The following ZNF672 variants were observed in gnomAD, a reference collection of about 807,000 sequenced individuals.
ZNF672 encodes the protein hypothetical protein FLJ22301.
For synonymous variants in ZNF672, 358 were observed against 305.6 expected (o/e 1.17, Z -1.79); for missense variants, 733 against 701.1 (o/e 1.05, Z -0.51).
Position 248,848,582 on chromosome 1 carries a change from C to G in ZNF672, c.1308C>G (p.Leu436=). 1 of 1,592,846 alleles carries G rather than the reference C, an allele frequency of 6.3e-7. No homozygotes were observed. Among genetic ancestry groups the G allele is most frequent in the East Asian group, 2.3e-5 (1 of 44,290 alleles). ...VAIQSAVGTA[L]VFEGPAEQEK... is the part of the protein sequence containing the mutation. Reference sequence around the variant, plus strand: ...TCCAGTCCGCAGTGGGCACTGCCCTCGTCTTTGAGGGGCCGGCTGAACAGG... The same window carrying G: ...TCCAGTCCGCAGTGGGCACTGCCCTGGTCTTTGAGGGGCCGGCTGAACAGG... The change falls in exon 4 of 4, where the codon CTC becomes CTG. Residue 436 remains leucine, a synonymous_variant. Coordinates refer to ENST00000306562, the MANE Select transcript of ZNF672 (RefSeq NM_024836.3).
Position 248,848,102 on chromosome 1 carries a change from C to T in ZNF672, c.828C>T (p.Ser276=). 6.4e-7 allele frequency: 1 copy of T among 1,552,650 alleles called. No individual in the cohort carries two copies. The highest frequency in any genetic ancestry group is 1.4e-5 in the African/African-American group (1 of 73,252). The part of the protein sequence containing the change: ...ESSTLLRHRR[S]HQGERPHACA... ...CCACGCTGCTGCGCCATCGGCGCAG[C>T]CATCAGGGCGAGCGGCCACATGCGT... is the stretch of plus-strand genomic sequence containing the variant. Residue 276 remains serine, a synonymous_variant, in exon 4 of 4, where the codon AGC becomes AGT. Coordinates refer to ENST00000306562, the MANE Select transcript of ZNF672 (RefSeq NM_024836.3).
At chr1:248,841,276 G>A (rs1664675691) in intron 1 of ZNF672, among the ~76,000 whole-genome samples, 1 of 152,230 alleles carries the variant, frequency 6.6e-6, no homozygotes, top group South Asian at 2.1e-4. Context: ...TATCTTCTGT[G>A]TGCCCAAGTC....
chr1:248,839,586 G>C (rs1310889840), intron 1 of ZNF672: 1 of 152,494 alleles, frequency 6.6e-6, no homozygotes, highest in Non-Finnish European at 1.5e-5. Flanking sequence ...CGAGGCTGCA[G>C]TGAGACAGTG....
chr1:248,848,275 C>T lies in ZNF672; in HGVS notation c.1001C>T (p.Thr334Met), dbSNP rs1057498420. 3 of 1,602,870 alleles carry T rather than the reference C, an allele frequency of 1.9e-6. No individual in the cohort carries two copies. The highest frequency in any genetic ancestry group is 1.3e-5 in the African/African-American group (1 of 74,994). The change falls in exon 4 of 4, where the codon ACG becomes ATG. Residue 334 changes from threonine to methionine, a missense_variant. Transcript: ENST00000306562. ...SDLTKHRRTH[T>M]GEKPYRCELC... is the part of the protein sequence containing the mutation. ...CTCACCAAGCACCGGCGCACGCACA[C>T]GGGCGAGAAGCCCTACCGCTGCGAA...
rs746190790 is a variant in ZNF672, at chr1:248,848,585, C to A, written c.1311C>A (p.Val437=). The A allele has an allele frequency of 6.3e-7, 1 of 1,591,158 alleles. No individual in the cohort carries two copies. Among genetic ancestry groups the A allele is most frequent in the South Asian group, 1.1e-5 (1 of 89,766 alleles). ...AIQSAVGTAL[V]FEGPAEQEKP... is the part of the protein sequence containing the mutation. The stretch of plus-strand genomic sequence containing the variant: ...AGTCCGCAGTGGGCACTGCCCTCGT[C>A]TTTGAGGGGCCGGCTGAACAGGAAA... The change falls in exon 4 of 4, where the codon GTC becomes GTA. Residue 437 remains valine (V), a synonymous_variant. Coordinates refer to ENST00000306562, the MANE Select transcript of ZNF672 (RefSeq NM_024836.3).
At chr1:248,841,340 T>TG (rs918726530) in intron 1 of ZNF672, among the ~76,000 whole-genome samples, 4 of 152,232 alleles carry the variant, frequency 2.6e-5, no homozygotes, top group African/African-American at 9.6e-5. Flanking sequence ...CTCTCTGATC[T>TG]GGGGGGCTCT....
intron 1 of ZNF672, among the ~76,000 whole-genome samples, chr1:248,841,553 C>T (rs1461981488): frequency 6.6e-6 from 1 of 152,228 alleles, no homozygotes; most frequent in African/African-American, 2.4e-5. Context: ...TATGTTCTCT[C>T]CTTGTCTACA....
chr1:248,846,658 A>G (rs746000607), intron 3 of ZNF672, among the ~76,000 whole-genome samples: 1 of 152,148 alleles, frequency 6.6e-6, no homozygotes, highest in Non-Finnish European at 1.5e-5. Flanking sequence ...AGGCGTTGGT[A>G]TAGTCTAAAC....
Position 248,847,572 on chromosome 1 carries a change from C to T in ZNF672, c.298C>T (p.Pro100Ser), listed in dbSNP as rs1165598648. 5 of 1,574,102 alleles carry T rather than the reference C, an allele frequency of 3.2e-6. No homozygotes were observed. The highest frequency in any genetic ancestry group is 1.4e-5 in the African/African-American group (1 of 74,024). ...ACACCGGCAGCGATGCCGCACTTGC[C>T]CCTGCCGCACATGCGGCCGGCGCTT... ...GAHRQRCRTC[P>S]CRTCGRRFPH... The change falls in exon 4 of 4, where the codon CCC becomes TCC. Residue 100 changes from proline (P) to serine (S), a missense_variant. Physicochemically the swap from Pro to Ser is moderately conservative, Grantham distance 74. Transcript: ENST00000306562.
At chr1:248,839,654 AAAC>A (rs1257071844) in intron 1 of ZNF672, among the ~76,000 whole-genome samples, 6 of 152,100 alleles carry the variant, frequency 3.9e-5, no homozygotes, top group African/African-American at 7.2e-5. Flanking sequence ...AAAAACAAAC[AAAC>A]AACAACAACA....
chr1:248,844,996 C>T (rs1269063089), intron 2 of ZNF672, among the ~76,000 whole-genome samples: 2 of 152,278 alleles, frequency 1.3e-5, no homozygotes, highest in African/African-American at 2.4e-5. Flanking sequence ...GGCGTGATGG[C>T]TCACGCCTGT....
chr1:248,848,543 T>C lies in ZNF672; in HGVS notation c.1269T>C (p.Ala423=). The change falls in exon 4 of 4, where the codon GCT becomes GCC. Residue 423 remains alanine (A), a synonymous_variant. Transcript: ENST00000306562. ...HQRAHTRART[A]AAVAIQSAVG... is the part of the protein sequence containing the mutation. The stretch of plus-strand genomic sequence containing the variant: ...GGGCCCACACGCGCGCCCGCACCGC[T>C]GCCGCCGTTGCCATCCAGTCCGCAG... The C allele has an allele frequency of 6.3e-7, 1 of 1,598,104 alleles. No homozygotes were observed. The highest frequency in any genetic ancestry group is 8.5e-7 in the Non-Finnish European group (1 of 1,171,434).
chr1:248,838,229 C>T lies in ZNF672; in HGVS notation c.-797C>T, dbSNP rs1196285663. ...CCCCGCAGGCTTTCTCTTTTAGCCC[C>T]GCCTGCTTCCCGGCTCCAGCTGGGG... On this transcript the variant is annotated 5_prime_UTR_variant, in exon 1 of 4. Transcript: ENST00000306562. 1 of 152,344 alleles carries T rather than the reference C, an allele frequency of 6.6e-6. No individual in the cohort carries two copies. Among genetic ancestry groups the T allele is most frequent in the Non-Finnish European group, 1.5e-5 (1 of 68,142 alleles). The allele number at this position is 152,344 out of a possible 1,614,324, so 9.4% of individuals were successfully genotyped here.
intron 1 of ZNF672, among the ~76,000 whole-genome samples, chr1:248,839,874 G>T (rs114981041): frequency 0.016 from 2,426 of 149,682 alleles, 73 homozygotes; most frequent in African/African-American, 0.057. Context: ...CAGTAGCTGA[G>T]ACTACAGACG....
At chr1:248,838,941 A>T (rs896296771) in intron 1 of ZNF672, 1 of 152,126 alleles carries the variant, frequency 6.6e-6, no homozygotes, top group Non-Finnish European at 1.5e-5. Flanking sequence ...GCCACGGGCA[A>T]GGGGCTAGGG....
In ZNF672 at chr1:248,848,014, G is replaced by A; in HGVS notation, c.740G>A (p.Arg247His). ...LESATLVRHQRTHTGEKPYAC... is the reference protein window; with the variant it reads ...LESATLVRHQHTHTGEKPYAC... ...AGCGCCACGCTGGTGCGCCACCAGCGCACACACACGGGCGAGAAGCCGTAC... is the reference window on the plus strand; with the variant it reads ...AGCGCCACGCTGGTGCGCCACCAGCACACACACACGGGCGAGAAGCCGTAC... Residue 247 changes from arginine to histidine, a missense_variant, in exon 4 of 4, where the codon CGC becomes CAC. Arg to His is a conservative substitution (Grantham distance 29, BLOSUM62 0). Transcript: ENST00000306562. 1 of 1,556,342 alleles carries A rather than the reference G, an allele frequency of 6.4e-7. No individual in the cohort carries two copies. Among genetic ancestry groups the A allele is most frequent in the Non-Finnish European group, 8.7e-7 (1 of 1,151,162 alleles).
chr1:248,844,248 T>G (rs1319871111), intron 1 of ZNF672, among the ~76,000 whole-genome samples: 6 of 152,214 alleles, frequency 3.9e-5, no homozygotes, highest in African/African-American at 1.4e-4. Context: ...ATGTATAGTA[T>G]TTGTTTTAAA....
intron 1 of ZNF672, among the ~76,000 whole-genome samples, chr1:248,844,133 CAT>C (rs1166309984): frequency 6.6e-6 from 1 of 152,146 alleles, no homozygotes; most frequent in Non-Finnish European, 1.5e-5. Context: ...AAAAAAATGA[CAT>C]ATGAAACTCA....
chr1:248,841,165 G>A (rs1474330765), intron 1 of ZNF672, among the ~76,000 whole-genome samples: 9 of 152,240 alleles, frequency 5.9e-5, no homozygotes. Context: ...GGGTAGTGCT[G>A]TGGAGGATAT....
Sources: allele counts gnomAD v4.1 joint callset (sites outside exome capture counted in the v4.1 genomes callset), GRCh38; gene constraint gnomAD v4.1.1; transcripts MANE v1.5; gene names NCBI Gene and HGNC (gene_info 2026-07-23, HGNC 2026-07-21).